CCDC6: variants seen among roughly 807,000 people sequenced by gnomAD.
The protein encoded by CCDC6 is coiled-coil domain-containing protein 6.
In CCDC6, 20 loss-of-function variants were observed where a neutral mutation model predicts 56.6. The observed-to-expected ratio is 0.35, with a 90% CI of 0.25 to 0.51. The LOEUF (loss-of-function observed/expected upper bound fraction) is 0.51, where lower values mean the gene tolerates loss of function less well. Ranked by LOEUF, CCDC6 falls within the 20% of genes least tolerant of loss-of-function variation. The probability of loss-of-function intolerance (pLI) is 0.95; values close to 1 mark genes in which losing one functional copy is unlikely to be tolerated. For synonymous variants in CCDC6, 241 were observed against 234.4 expected (o/e 1.03, Z -0.26); for missense variants, 367 against 601.1 (o/e 0.61, Z 4.07).
At chr10:59,873,329 G>C (rs2071248223) in intron 1 of CCDC6, among the ~76,000 whole-genome samples, 1 of 152,066 alleles carries the variant, frequency 6.6e-6, no homozygotes, top group Non-Finnish European at 1.5e-5. Flanking sequence ...TTATAAGAAG[G>C]GAAAATACAG....
chr10:59,823,255 A>G (rs1311343879), intron 3 of CCDC6, among the ~76,000 whole-genome samples: 1 of 152,196 alleles, frequency 6.6e-6, no homozygotes, highest in Non-Finnish European at 1.5e-5. Flanking sequence ...GCAAAAAGGC[A>G]AAGGGCCCAC....
At chr10:59,830,889 C>T (rs984013223) in intron 3 of CCDC6, among the ~76,000 whole-genome samples, 1 of 152,114 alleles carries the variant, frequency 6.6e-6, no homozygotes, top group Non-Finnish European at 1.5e-5. Context: ...GAACAAATAC[C>T]AGAGAGAAGC....
At chr10:59,818,746 C>A (rs1168121845) in intron 3 of CCDC6, among the ~76,000 whole-genome samples, 1 of 152,048 alleles carries the variant, frequency 6.6e-6, no homozygotes, top group Non-Finnish European at 1.5e-5. Context: ...CAGGCTCCAG[C>A]CACCCTTGAT....
At chr10:59,795,459 T>C (rs2070506451) in intron 7 of CCDC6, among the ~76,000 whole-genome samples, 1 of 140,604 alleles carries the variant, frequency 7.1e-6, no homozygotes, top group African/African-American at 2.6e-5. Context: ...ATTATTTTTT[T>C]TCTTATTCAT....
At chr10:59,839,802 G>A (rs1389195098) in intron 2 of CCDC6, among the ~76,000 whole-genome samples, 1 of 151,956 alleles carries the variant, frequency 6.6e-6, no homozygotes, top group Non-Finnish European at 1.5e-5. Context: ...TCCTCTCGAC[G>A]GATGACAGGC....
intron 1 of CCDC6, among the ~76,000 whole-genome samples, chr10:59,892,091 T>G (rs983306343): frequency 6.6e-6 from 1 of 152,232 alleles, no homozygotes; most frequent in East Asian, 1.9e-4. Context: ...TTTTGGTTTC[T>G]GTTCTTTAAA....
At chr10:59,858,978 A>T (rs1193034724) in intron 1 of CCDC6, among the ~76,000 whole-genome samples, 1 of 152,182 alleles carries the variant, frequency 6.6e-6, no homozygotes, top group Non-Finnish European at 1.5e-5. Context: ...AGAGTCATAG[A>T]ACCTCTTCAG....
Position 59,885,928 on chromosome 10 carries a change from C to G in CCDC6, c.303+20194G>C, listed in dbSNP as rs796307743. On this transcript the variant is annotated intron_variant, in intron 1 of 8. Transcript: ENST00000263102. ...ATTTCCAACCCCGCCCCCCGCCCCC[C>G]CAACTAGAATATCAGCTGCCAGAGG... Among the ~76,000 whole-genome samples, 413 of 113,102 alleles carry G rather than the reference C, an allele frequency of 3.7e-3. 25 individuals carry two copies. The highest frequency in any genetic ancestry group is 0.013 in the African/African-American group (394 of 30,104). 74.2% of individuals were successfully genotyped at this position (113,102 alleles called of 152,430 possible).
At chr10:59,897,783 T>C (rs1273792010) in intron 1 of CCDC6, among the ~76,000 whole-genome samples, 1 of 152,210 alleles carries the variant, frequency 6.6e-6, no homozygotes. Flanking sequence ...AGAATTTTCT[T>C]TAGGTCACCC....
intron 1 of CCDC6, among the ~76,000 whole-genome samples, chr10:59,900,117 T>C (rs1651177604): frequency 6.6e-6 from 1 of 151,938 alleles, no homozygotes; most frequent in Non-Finnish European, 1.5e-5. Flanking sequence ...CACTGAGGAA[T>C]GTGATGAACA....
chr10:59,871,051 T>C (rs896747127), intron 1 of CCDC6, among the ~76,000 whole-genome samples: 17 of 152,146 alleles, frequency 1.1e-4, no homozygotes, highest in African/African-American at 3.4e-4. Flanking sequence ...ATACAGTAAA[T>C]TGGAGAGGCA....
chr10:59,846,802 T>C (rs564921079), intron 2 of CCDC6, among the ~76,000 whole-genome samples: 123 of 152,330 alleles, frequency 8.1e-4, no homozygotes, highest in South Asian at 1.4e-3. Flanking sequence ...ACCCCAGTTG[T>C]AATCTATGGT....
intron 1 of CCDC6, among the ~76,000 whole-genome samples, chr10:59,887,889 G>A (rs920328095): frequency 6.6e-6 from 1 of 152,040 alleles, no homozygotes; most frequent in Non-Finnish European, 1.5e-5. Flanking sequence ...CACCTCCCTG[G>A]AAATGCCAAC....
At chr10:59,905,903 C>T (rs371604541) in intron 1 of CCDC6, among the ~76,000 whole-genome samples, 2 of 152,214 alleles carry the variant, frequency 1.3e-5, no homozygotes, top group Non-Finnish European at 2.9e-5. Context: ...TTCCCCCGCA[C>T]CGCGCAAGGG....
chr10:59,862,516 T>TATATATATATATATATAC (rs1554886091), intron 1 of CCDC6, among the ~76,000 whole-genome samples: 188 of 97,026 alleles, frequency 1.9e-3, no homozygotes, highest in Non-Finnish European at 3.1e-3. Context: ...TATATATATA[T>TATATATATATATATATAC]ACACACACAC....
intron 2 of CCDC6, among the ~76,000 whole-genome samples, chr10:59,834,452 A>T (rs1042260394): frequency 6.6e-6 from 1 of 152,024 alleles, no homozygotes; most frequent in Admixed American, 6.6e-5. Context: ...AGGCTGAGGC[A>T]GGAGAATCCC....
At chr10:59,872,341 A>T (rs181942374) in intron 1 of CCDC6, among the ~76,000 whole-genome samples, 2 of 152,352 alleles carry the variant, frequency 1.3e-5, no homozygotes, top group African/African-American at 4.8e-5. Context: ...CTTGGGTATC[A>T]GTATTCAGTT....
chr10:59,852,891 A>G (rs1273389425), intron 1 of CCDC6, among the ~76,000 whole-genome samples, 189 bp from the exon 2 acceptor site: 4 of 152,216 alleles, frequency 2.6e-5, no homozygotes, highest in East Asian at 1.9e-4. Flanking sequence ...ACAGAAATGA[A>G]TATCACTATT....
intron 2 of CCDC6, among the ~76,000 whole-genome samples, chr10:59,851,929 A>G (rs200663881): frequency 3.0e-5 from 4 of 135,296 alleles, no homozygotes; most frequent in South Asian, 2.4e-4. Flanking sequence ...GAAAGGGGGA[A>G]AAAAAAGGAG....
Sources: allele counts gnomAD v4.1 joint callset (sites outside exome capture counted in the v4.1 genomes callset), GRCh38; gene constraint gnomAD v4.1.1; transcripts MANE v1.5; gene names NCBI Gene and HGNC (gene_info 2026-07-23, HGNC 2026-07-21).